Variants in CDC42BPA observed in about 807,000 individuals in gnomAD.
The protein encoded by CDC42BPA is serine/threonine-protein kinase MRCK alpha.
Under a neutral mutation model 223.5 loss-of-function variants are expected in CDC42BPA, and 80 were observed. The observed-to-expected ratio is 0.36, with a 90% CI of 0.30 to 0.43. CDC42BPA has a LOEUF of 0.43. Ranked by LOEUF, CDC42BPA falls within the 20% of genes least tolerant of loss-of-function variation. The pLI is 1.00. For missense variants in CDC42BPA, 1,743 were observed against 2,099.9 expected, an observed-to-expected ratio of 0.83 and a Z score of 3.32; for synonymous variants, 694 against 718.6, an observed-to-expected ratio of 0.97 and a Z score of 0.55.
chr1:227,085,962 A>C (rs936875250), intron 16 of CDC42BPA, among the ~76,000 whole-genome samples: 7 of 152,240 alleles, frequency 4.6e-5, no homozygotes, highest in African/African-American at 1.4e-4. Context: ...ATACTCAAGA[A>C]ATATCCCCAT....
chr1:227,126,520 GT>G (rs112787288), intron 11 of CDC42BPA, among the ~76,000 whole-genome samples: 1,576 of 86,024 alleles, frequency 0.018, 75 homozygotes, highest in African/African-American at 0.063. Context: ...AGGAAGGAAG[GT>G]AAGAAAGGAA....
At chr1:227,120,948 A>G (rs1688560330) in intron 11 of CDC42BPA, among the ~76,000 whole-genome samples, 1 of 152,226 alleles carries the variant, frequency 6.6e-6, no homozygotes, top group Non-Finnish European at 1.5e-5. Context: ...CATAAGAGGC[A>G]TGCAACCTAG....
chr1:227,178,207 T>G (rs1667294810), intron 5 of CDC42BPA: 1 of 152,242 alleles, frequency 6.6e-6, no homozygotes, highest in Non-Finnish European at 1.5e-5. Context: ...GATTCCCACA[T>G]GTTGTGGGAG....
At chr1:227,028,066 G>C (rs2148632655) in intron 30 of CDC42BPA, among the ~76,000 whole-genome samples, 1 of 151,016 alleles carries the variant, frequency 6.6e-6, no homozygotes, top group South Asian at 2.1e-4. Context: ...GCTGCAGTGG[G>C]CTGTGACGAT....
At chr1:227,196,561 G>C (rs377598274) in intron 4 of CDC42BPA, among the ~76,000 whole-genome samples, 3 of 151,808 alleles carry the variant, frequency 2.0e-5, no homozygotes, top group African/African-American at 7.3e-5. Context: ...GGATGGTCTC[G>C]ATCTCCTGAC....
intron 2 of CDC42BPA, chr1:227,235,446 T>C (rs1211798892): frequency 6.6e-6 from 1 of 152,200 alleles, no homozygotes; most frequent in East Asian, 1.9e-4. Context: ...AAGTTGAATA[T>C]AGCAAGTGGG....
intron 24 of CDC42BPA, among the ~76,000 whole-genome samples, 185 bp from the exon 25 acceptor site, chr1:227,035,792 A>C (rs1254160992): frequency 6.6e-6 from 1 of 152,242 alleles, no homozygotes. Context: ...AATGAGACAT[A>C]GTAAATATTT....
chr1:227,171,215 A>G (rs1666039486), intron 5 of CDC42BPA, among the ~76,000 whole-genome samples: 1 of 152,266 alleles, frequency 6.6e-6, no homozygotes, highest in East Asian at 1.9e-4. Flanking sequence ...AAACATGTAC[A>G]CTAATTAAAG....
chr1:227,233,037 A>C (rs1207171995), intron 2 of CDC42BPA, among the ~76,000 whole-genome samples: 7 of 152,166 alleles, frequency 4.6e-5, no homozygotes, highest in Middle Eastern at 3.2e-3. Context: ...GCGAGGCTCC[A>C]TGGGCGTGGG....
At chr1:227,303,257 T>C (rs777073477) in intron 1 of CDC42BPA, among the ~76,000 whole-genome samples, 1 of 152,242 alleles carries the variant, frequency 6.6e-6, no homozygotes, top group Admixed American at 6.5e-5. Flanking sequence ...GCCTCTGATA[T>C]CTGCATCTCT....
intron 15 of CDC42BPA, among the ~76,000 whole-genome samples, chr1:227,096,487 C>T (rs753616876): frequency 5.9e-5 from 9 of 152,174 alleles, no homozygotes; most frequent in African/African-American, 9.7e-5. Flanking sequence ...CGCTTAGTTG[C>T]TCTCCACCAC....
At chr1:227,152,956 C>A (rs1662057889) in intron 6 of CDC42BPA, among the ~76,000 whole-genome samples, 1 of 151,860 alleles carries the variant, frequency 6.6e-6, no homozygotes, top group African/African-American at 2.4e-5. Flanking sequence ...ATGCCAAAAT[C>A]ATTGTGAGAT....
At chr1:227,206,506 G>C (rs1315605120) in intron 3 of CDC42BPA, among the ~76,000 whole-genome samples, 2 of 152,088 alleles carry the variant, frequency 1.3e-5, no homozygotes, top group Non-Finnish European at 2.9e-5. Flanking sequence ...TGAAAAAATT[G>C]TTTTAAAGCA....
At chr1:227,073,154 A>G (rs1213526733) in intron 19 of CDC42BPA, among the ~76,000 whole-genome samples, 1 of 152,118 alleles carries the variant, frequency 6.6e-6, no homozygotes, top group Non-Finnish European at 1.5e-5. Flanking sequence ...TGGTATTCTC[A>G]GCAGTCAATG....
intron 13 of CDC42BPA, 115 bp from the exon 14 acceptor site, chr1:227,112,537 C>G (rs1351518277): frequency 4.3e-6 from 4 of 925,240 alleles, no homozygotes; most frequent in Non-Finnish European, 6.0e-6. Flanking sequence ...TGTTTAAATC[C>G]ATATTAAATA....
intron 5 of CDC42BPA, among the ~76,000 whole-genome samples, chr1:227,167,919 A>G (rs993520754): frequency 8.0e-6 from 1 of 124,600 alleles, no homozygotes; most frequent in African/African-American, 3.2e-5. Flanking sequence ...TTCTGGCAAT[A>G]AATTCTTCTG....
chr1:227,184,254 T>C (rs1668402452), intron 5 of CDC42BPA, among the ~76,000 whole-genome samples: 1 of 152,174 alleles, frequency 6.6e-6, no homozygotes, highest in Non-Finnish European at 1.5e-5. Flanking sequence ...AAAAACTCCT[T>C]ACCAAGCCCT....
chr1:227,168,116 G>T (rs949954520), intron 5 of CDC42BPA, among the ~76,000 whole-genome samples: 1 of 151,958 alleles, frequency 6.6e-6, no homozygotes, highest in South Asian at 2.1e-4. Context: ...GTAGAGGCAG[G>T]GTTTCACCAT....
chr1:227,190,948 T>C (rs12080452), intron 5 of CDC42BPA, among the ~76,000 whole-genome samples: 25,853 of 152,028 alleles, frequency 0.17, 2,239 homozygotes, highest in Middle Eastern at 0.2. Context: ...TAGAGATGTT[T>C]AGATGTTTAA....
Sources: allele counts gnomAD v4.1 joint callset (sites outside exome capture counted in the v4.1 genomes callset), GRCh38; gene constraint gnomAD v4.1.1; transcripts MANE v1.5; gene names NCBI Gene and HGNC (gene_info 2026-07-23, HGNC 2026-07-21).